The following DCAF1 variants were observed in gnomAD, a reference collection of about 807,000 sequenced individuals.
DCAF1 encodes DDB1- and CUL4-associated factor 1.
Under a neutral mutation model 128.0 loss-of-function variants are expected in DCAF1, and 15 were observed. That is an observed-to-expected ratio of 0.12 (90% confidence interval 0.08 to 0.18). DCAF1 has a LOEUF of 0.18. Ranked by LOEUF, DCAF1 falls within the 10% of genes least tolerant of loss-of-function variation. The pLI is 1.00. For missense variants in DCAF1, 988 were observed against 1,649.5 expected (o/e 0.60, Z 6.95); for synonymous variants, 610 against 603.0 (o/e 1.01, Z -0.17).
At chr3:51,450,969 G>A (rs2107819900) in intron 6 of DCAF1, among the ~76,000 whole-genome samples, 1 of 147,272 alleles carries the variant, frequency 6.8e-6, no homozygotes, top group Non-Finnish European at 1.5e-5. Context: ...AAACCTGTCA[G>A]TGAAGTAACA....
intron 23 of DCAF1, among the ~76,000 whole-genome samples, chr3:51,405,654 C>A (rs1238870753): frequency 6.6e-6 from 1 of 152,132 alleles, no homozygotes; most frequent in African/African-American, 2.4e-5. Context: ...ACTCACTTTC[C>A]AAATTTTAAA....
chr3:51,407,302 CT>C (rs1381308252), intron 23 of DCAF1, among the ~76,000 whole-genome samples: 3 of 151,754 alleles, frequency 2.0e-5, no homozygotes, highest in African/African-American at 4.8e-5. Flanking sequence ...TATAGGTTCA[CT>C]TTAGGGTCAT....
At chr3:51,430,302 G>A in intron 10 of DCAF1, 90 bp from the exon 11 acceptor site, 1 of 645,888 alleles carries the variant, frequency 1.5e-6, no homozygotes, top group African/African-American at 1.8e-5. Context: ...ATAGATATCT[G>A]CAGAATACAA....
Position 51,441,688 on chromosome 3 carries a change from A to C in DCAF1, c.723T>G (p.Phe241Leu), listed in dbSNP as rs781789578. 1.2e-6 allele frequency: 2 copies of C among 1,613,988 alleles called. No homozygotes were observed. The highest frequency in any genetic ancestry group is 1.7e-6 in the Non-Finnish European group (2 of 1,179,876). Residue 241 changes from phenylalanine (F) to leucine (L), a missense_variant, in exon 8 of 25, where the codon TTT becomes TTG. Transcript: ENST00000684031. Reference sequence around the variant, plus strand: ...TAGTCTTGTGGCCTGAATCAAGATGAAAGGAGATCTCCATGTCTCCAGAAG... The same window carrying C: ...TAGTCTTGTGGCCTGAATCAAGATGCAAGGAGATCTCCATGTCTCCAGAAG... Reference protein sequence around the residue: ...EEASGDMEISFHLDSGHKTSS... With the variant: ...EEASGDMEISLHLDSGHKTSS...
Position 51,443,829 on chromosome 3 carries a change from C to G in DCAF1, c.450G>C (p.Leu150=), listed in dbSNP as rs569607514. ...DQPLRTYSTG[L]LGGAMENQDI... ...CTTGATTTTCCATAGCACCTCCTAACAGTCCAGTAGAATATGTCCTCAATG... is the reference window on the plus strand; with the variant it reads ...CTTGATTTTCCATAGCACCTCCTAAGAGTCCAGTAGAATATGTCCTCAATG... Residue 150 remains leucine (L), a synonymous_variant, in exon 7 of 25, where the codon CTG becomes CTC. Coordinates refer to ENST00000684031, the MANE Select transcript of DCAF1 (RefSeq NM_001387579.1). 53 of 1,612,700 alleles carry G rather than the reference C, an allele frequency of 3.3e-5. No individual in the cohort carries two copies. Among genetic ancestry groups the G allele is most frequent in the Non-Finnish European group, 4.2e-5 (50 of 1,179,598 alleles).
chr3:51,494,350 G>A (rs988669243), intron 2 of DCAF1, among the ~76,000 whole-genome samples: 7 of 151,784 alleles, frequency 4.6e-5, no homozygotes, highest in Non-Finnish European at 8.8e-5. Flanking sequence ...TCCTGACCTC[G>A]TGATCCACCC....
At chr3:51,474,352 G>A (rs868968674) in intron 3 of DCAF1, among the ~76,000 whole-genome samples, 2 of 152,098 alleles carry the variant, frequency 1.3e-5, no homozygotes, top group East Asian at 1.9e-4. Flanking sequence ...CTCAGGAGGC[G>A]GAGGTCGCGG....
intron 6 of DCAF1, among the ~76,000 whole-genome samples, chr3:51,458,918 T>C (rs1279274417): frequency 2.0e-4 from 30 of 152,150 alleles, no homozygotes; most frequent in African/African-American, 6.5e-4. Flanking sequence ...CAAAGCAGTG[T>C]GTAGAGGGAA....
intron 22 of DCAF1, 107 bp from the exon 23 acceptor site, chr3:51,412,587 G>C: frequency 6.6e-7 from 1 of 1,524,966 alleles, no homozygotes; most frequent in East Asian, 2.3e-5. Flanking sequence ...AATTATTAAA[G>C]CTTCTGATAC....
At chr3:51,473,880 T>C (rs1705095018) in intron 3 of DCAF1, among the ~76,000 whole-genome samples, 1 of 151,868 alleles carries the variant, frequency 6.6e-6, no homozygotes, top group African/African-American at 2.4e-5. Flanking sequence ...GTCGGCTCAC[T>C]GCAACCTCTG....
At chr3:51,436,591 T>A (rs1288416027) in intron 9 of DCAF1, among the ~76,000 whole-genome samples, 4 of 152,228 alleles carry the variant, frequency 2.6e-5, no homozygotes, top group African/African-American at 4.8e-5. Flanking sequence ...TCTTCTTGTA[T>A]CTTTCCTTCC....
rs59908556 is a variant in DCAF1 at position 51,446,963 on chromosome 3, AAATAAT to A, written c.376-3066_376-3061del. Reference sequence around the variant, plus strand: ...CAACAAGAACAAAACTTTGTCTCAAAAATAATAATAATAATAATAATAATAATAATA... The same window carrying A: ...CAACAAGAACAAAACTTTGTCTCAAAAATAATAATAATAATAATAATAATA... On this transcript the variant is annotated intron_variant, in intron 6 of 24. Coordinates refer to ENST00000684031, the MANE Select transcript of DCAF1 (RefSeq NM_001387579.1). Among the ~76,000 whole-genome samples, 560 of 136,962 alleles carry A rather than the reference AAATAAT, an allele frequency of 4.1e-3. 4 individuals are homozygous for A. The highest frequency in any genetic ancestry group is 0.019 in the Middle Eastern group (5 of 270). 89.9% of individuals were successfully genotyped at this position (136,962 alleles called of 152,430 possible).
Position 51,441,565 on chromosome 3 carries a change from C to T in DCAF1, c.846G>A (p.Lys282=), listed in dbSNP as rs1701357378. The part of the protein sequence containing the change: ...QGDRENFRKA[K]QKLGFSSSDP... ...CAGAAGATGAGAAACCCAACTTTTG[C>T]TTGGCTTTCCTAAAGTTCTCTCTGT... The change falls in exon 8 of 25, where the codon AAG becomes AAA. Residue 282 remains lysine (K), a synonymous_variant. Transcript: ENST00000684031. The T allele has an allele frequency of 6.2e-7, 1 of 1,613,996 alleles. No homozygotes were observed. The highest frequency in any genetic ancestry group is 8.5e-7 in the Non-Finnish European group (1 of 1,179,888).
Position 51,398,742 on chromosome 3 carries a change from G to A in DCAF1, c.*27C>T, listed in dbSNP as rs782400210. 1.3e-6 allele frequency: 2 copies of A among 1,577,606 alleles called. No individual in the cohort carries two copies. Among genetic ancestry groups the A allele is most frequent in the African/African-American group, 1.3e-5 (1 of 74,246 alleles). On this transcript the variant is annotated 3_prime_UTR_variant, in exon 25 of 25. Transcript: ENST00000684031. ...TTTGACTCAGTTTCTCGCCTGCCAAGAATCTCTTCCAAGCAGTGATGGCTC... is the reference window on the plus strand; with the variant it reads ...TTTGACTCAGTTTCTCGCCTGCCAAAAATCTCTTCCAAGCAGTGATGGCTC...
At chr3:51,431,346 C>T (rs1445080016) in intron 10 of DCAF1, among the ~76,000 whole-genome samples, 2 of 150,302 alleles carry the variant, frequency 1.3e-5, no homozygotes, top group African/African-American at 4.9e-5. Context: ...GGTAAAACCC[C>T]GTCTCTACTG....
At chr3:51,401,131 CAAAAAA>C (rs57102954) in intron 24 of DCAF1, among the ~76,000 whole-genome samples, 1 of 67,258 alleles carries the variant, frequency 1.5e-5, no homozygotes. Flanking sequence ...GACTCCATCT[CAAAAAA>C]AAAAAAAAAA....
In DCAF1 at chr3:51,398,536, T is replaced by G. The variant is rs2089385012; in HGVS notation, c.*233A>C. 20 of 464,608 alleles carry G rather than the reference T, an allele frequency of 4.3e-5. No homozygotes were observed. Among genetic ancestry groups the G allele is most frequent in the East Asian group, 1.8e-4 (5 of 27,482 alleles). The allele number at this position is 464,608 out of a possible 1,614,324, so 28.8% of individuals were successfully genotyped here. A position where few individuals can be genotyped will look rare whatever the true frequency, so the allele number is the denominator to read the frequency against. On this transcript the variant is annotated 3_prime_UTR_variant, in exon 25 of 25. Transcript: ENST00000684031. ...ATCCTAGGAAATGGTGGGGGGTGGA[T>G]GTGGGGGGTGCAGAGTAGGGCCTAG...
intron 24 of DCAF1, among the ~76,000 whole-genome samples, chr3:51,399,609 G>C (rs2089495681): frequency 6.6e-6 from 1 of 152,122 alleles, no homozygotes; most frequent in Non-Finnish European, 1.5e-5. Flanking sequence ...TGAAACTTAA[G>C]TGGTAGCAAA....
chr3:51,423,223 G>C (rs1301340008), intron 13 of DCAF1, among the ~76,000 whole-genome samples: 2 of 152,206 alleles, frequency 1.3e-5, no homozygotes, highest in Non-Finnish European at 2.9e-5. Flanking sequence ...GCCAGGCGTG[G>C]TCTCATGCCT....
Sources: gnomAD v4.1 joint callset for allele counts (sites outside exome capture counted in the v4.1 genomes callset) on GRCh38, gnomAD v4.1.1 for gene constraint, MANE v1.5 for transcripts, NCBI Gene and HGNC (gene_info 2026-07-23, HGNC 2026-07-21) for gene names.